The following CACNG6 variants were observed in gnomAD, a reference collection of about 807,000 sequenced individuals.
CACNG6 encodes calcium voltage-gated channel auxiliary subunit gamma 6, also known as voltage-dependent calcium channel gamma-6 subunit.
CACNG6 carries 21 observed loss-of-function variants against 23.9 expected under a neutral mutation model. That is an observed-to-expected ratio of 0.88 (90% CI 0.62 to 1.26). The LOEUF (loss-of-function observed/expected upper bound fraction) is 1.26. Among genes scored for constraint, CACNG6 ranks in the 50% most tolerant of loss-of-function variants. The probability of loss-of-function intolerance (pLI) is 0.00; values close to 1 mark genes in which losing one functional copy is unlikely to be tolerated. For synonymous variants in CACNG6, 182 were observed against 168.9 expected, an observed-to-expected ratio of 1.08 and a Z score of -0.60; for missense variants, 340 against 352.9, an observed-to-expected ratio of 0.96 and a Z score of 0.29.
intron 3 of CACNG6, 28 bp downstream of exon 3, chr19:53,999,799 G>C: frequency 6.2e-7 from 1 of 1,610,436 alleles, no homozygotes; most frequent in East Asian, 2.2e-5. Flanking sequence ...GGAGGCTGAG[G>C]ACATTGCATG....
chr19:54,004,393 T>TG (rs2069616005), intron 3 of CACNG6, among the ~76,000 whole-genome samples: 1 of 121,100 alleles, frequency 8.3e-6, no homozygotes, highest in Non-Finnish European at 1.8e-5. Context: ...GTGTGTGTGT[T>TG]TAGTAGAGAT....
chr19:53,993,501 C>T (rs185647655), intron 1 of CACNG6, among the ~76,000 whole-genome samples: 1 of 152,130 alleles, frequency 6.6e-6, no homozygotes, highest in African/African-American at 2.4e-5. Context: ...AATGTGCCTA[C>T]AGGGAGTCTG....
intron 2 of CACNG6, 122 bp downstream of exon 2, chr19:53,998,435 C>A: frequency 1.3e-6 from 1 of 777,918 alleles, no homozygotes; most frequent in Non-Finnish European, 2.1e-6. Flanking sequence ...TGTCTATAAT[C>A]TGTGGCTGTC....
chr19:54,002,415 G>C (rs546955888), intron 3 of CACNG6, among the ~76,000 whole-genome samples: 1 of 147,894 alleles, frequency 6.8e-6, no homozygotes, highest in Non-Finnish European at 1.5e-5. Context: ...CACCAAGCCC[G>C]GCCCCTCTCT....
At chr19:54,000,737 C>T (rs2069566897) in intron 3 of CACNG6, among the ~76,000 whole-genome samples, 1 of 152,074 alleles carries the variant, frequency 6.6e-6, no homozygotes, top group African/African-American at 2.4e-5. Context: ...CACCACCACG[C>T]CTGGCTAATT....
At chr19:53,996,136 T>G (rs943682846) in intron 1 of CACNG6, among the ~76,000 whole-genome samples, 11 of 152,162 alleles carry the variant, frequency 7.2e-5, no homozygotes, top group Admixed American at 6.5e-4. Flanking sequence ...AATTGAAAAG[T>G]TCAATTTTTC....
chr19:53,998,416 C>A, intron 2 of CACNG6, 103 bp downstream of exon 2: 1 of 1,005,118 alleles, frequency 9.9e-7, no homozygotes, highest in African/African-American at 1.6e-5. Flanking sequence ...TACCCCAGGG[C>A]AGGTCTCGTG....
At chr19:54,002,087 CTCTT>C (rs2069581289) in intron 3 of CACNG6, among the ~76,000 whole-genome samples, 1 of 151,194 alleles carries the variant, frequency 6.6e-6, no homozygotes, top group East Asian at 2.0e-4. Flanking sequence ...TTCTATCTCT[CTCTT>C]TTTTTTTTGT....
intron 2 of CACNG6, among the ~76,000 whole-genome samples, 156 bp downstream of exon 2, chr19:53,998,469 G>C (rs1212910447): frequency 1.3e-5 from 2 of 150,160 alleles, no homozygotes; most frequent in African/African-American, 4.9e-5. Flanking sequence ...TGGCGGGAGA[G>C]TTAATGATGG....
upstream of CACNG6, among the ~76,000 whole-genome samples, chr19:53,991,304 GC>G (rs2069455795): frequency 6.7e-6 from 1 of 150,292 alleles, no homozygotes; most frequent in Non-Finnish European, 1.5e-5. Flanking sequence ...GAGACCCGGG[GC>G]CCTGCCTCCC....
rs145884667 is a variant in CACNG6 at position 54,007,173 on chromosome 19, C to T, written c.545-4778C>T. Among the ~76,000 whole-genome samples the T allele has an allele frequency of 6.2e-3, 947 of 152,188 alleles. 8 individuals carry two copies. Among genetic ancestry groups the T allele is most frequent in the African/African-American group, 0.022 (895 of 41,526 alleles). ...AAGCGATTCTCATGCCTCAGCCTCC[C>T]GAGTAGCTGGGATTACACGCATGCA... On this transcript the variant is annotated intron_variant, in intron 3 of 3. Transcript: ENST00000252729.
At chr19:53,996,993 C>G (rs889531620) in intron 1 of CACNG6, among the ~76,000 whole-genome samples, 8 of 150,800 alleles carry the variant, frequency 5.3e-5, no homozygotes, top group Non-Finnish European at 8.9e-5. Context: ...CTCAGCCTCC[C>G]GAGTAGCTGG....
chr19:54,005,249 A>ATAAATAAT (rs2069629667), intron 3 of CACNG6, among the ~76,000 whole-genome samples: 5 of 110,192 alleles, frequency 4.5e-5, no homozygotes, highest in Middle Eastern at 8.7e-3. Flanking sequence ...AAATAAATAA[A>ATAAATAAT]TAATAATAAA....
intron 3 of CACNG6, among the ~76,000 whole-genome samples, 189 bp from the exon 4 acceptor site, chr19:54,011,761 GT>G (rs34372297): frequency 0.34 from 47,002 of 140,166 alleles, 7,865 homozygotes; most frequent in East Asian, 0.64. Flanking sequence ...TTTGTGTCTT[GT>G]TTTTTTTTTT....
intron 3 of CACNG6, among the ~76,000 whole-genome samples, chr19:54,002,980 C>T (rs539263647): frequency 6.6e-6 from 1 of 152,050 alleles, no homozygotes; most frequent in Non-Finnish European, 1.5e-5. Context: ...GTGGGAGAGA[C>T]AGAAATGAGA....
intron 2 of CACNG6, among the ~76,000 whole-genome samples, 172 bp downstream of exon 2, chr19:53,998,485 T>C (rs2069543859): frequency 6.7e-6 from 1 of 149,596 alleles, no homozygotes; most frequent in African/African-American, 2.5e-5. Context: ...GATGGGGACA[T>C]GGTGCTCTAG....
intron 3 of CACNG6, among the ~76,000 whole-genome samples, chr19:54,004,134 G>A (rs1045077421): frequency 7.2e-5 from 11 of 151,982 alleles, no homozygotes; most frequent in African/African-American, 2.7e-4. Context: ...TGGGATGACA[G>A]GCATGAGCCA....
At chr19:54,003,345 A>G (rs2069599801) in intron 3 of CACNG6, among the ~76,000 whole-genome samples, 2 of 151,992 alleles carry the variant, frequency 1.3e-5, no homozygotes, top group African/African-American at 4.8e-5. Flanking sequence ...CCAGACCCGC[A>G]TGCCTTTTTA....
chr19:54,004,331 A>ATTTTT lies in CACNG6; in HGVS notation c.544+4561_544+4565dup, dbSNP rs532047922. On this transcript the variant is annotated intron_variant, in intron 3 of 3. Coordinates refer to ENST00000252729, the MANE Select transcript of CACNG6 (RefSeq NM_145814.2). ...CGCCACCACGCCTGGTTAATTTTGT[A>ATTTTT]TTTTTGTGTGTGTGTGTGTGTGTGT... is the stretch of plus-strand genomic sequence containing the variant. Among the ~76,000 whole-genome samples the ATTTTT allele has an allele frequency of 5.9e-5, 5 of 84,358 alleles. 1 individual carries two copies. The highest frequency in any genetic ancestry group is 3.5e-4 in the African/African-American group (5 of 14,242). The allele number at this position is 84,358 out of a possible 152,430, so 55.3% of individuals were successfully genotyped here.
Sources: allele counts gnomAD v4.1 joint callset (sites outside exome capture counted in the v4.1 genomes callset), GRCh38; gene constraint gnomAD v4.1.1; transcripts MANE v1.5; gene names NCBI Gene and HGNC (gene_info 2026-07-23, HGNC 2026-07-21).